The following GPRIN2 variants were observed in gnomAD, a reference collection of about 807,000 sequenced individuals.
The protein encoded by GPRIN2 is G protein regulated inducer of neurite outgrowth 2, also known as G protein-regulated inducer of neurite outgrowth 2.
Under a neutral mutation model 0.3 loss-of-function variants are expected in GPRIN2, and 1 was observed. The observed-to-expected ratio is 3.90, with a 90% CI of 1.39 to 18.51. The LOEUF is 18.51. Ranked by LOEUF, GPRIN2 falls within the 30% of genes most tolerant of loss-of-function variation. GPRIN2 has a pLI of 0.11. For synonymous variants in GPRIN2, 361 were observed against 258.6 expected (o/e 1.40, Z -3.80); for missense variants, 880 against 604.2 (o/e 1.46, Z -4.79).
At position 46,543,966 on chromosome 10, in the gene GPRIN2, T is replaced by C. The variant is rs1841939219; in HGVS notation, c.*5394A>G. Among the ~76,000 whole-genome samples, 1 of 152,278 alleles carries C rather than the reference T, an allele frequency of 6.6e-6. No individual in the cohort carries two copies. The highest frequency in any genetic ancestry group is 1.5e-5 in the Non-Finnish European group (1 of 68,052). On this transcript the variant is annotated 3_prime_UTR_variant, in exon 3 of 3. Coordinates refer to ENST00000374314, the MANE Select transcript of GPRIN2 (RefSeq NM_001385282.1). Reference sequence around the variant, plus strand: ...CACGTCACTTTGGTTTCGCTTGTTTTTTTTTTTAGTAAACATCAGCTTTCC... The same window carrying C: ...CACGTCACTTTGGTTTCGCTTGTTTCTTTTTTTAGTAAACATCAGCTTTCC...
At chr10:46,550,822 T>G (rs3127677) in intron 2 of GPRIN2, 80 bp from the exon 3 acceptor site, 1 of 1,427,492 alleles carries the variant, frequency 7.0e-7, no homozygotes, top group Non-Finnish European at 9.3e-7. Flanking sequence ...ACTCCCACAG[T>G]GCTAGGTTCA....
Position 46,550,422 on chromosome 10 carries a change from G to T in GPRIN2, c.315C>A (p.Asp105Glu). The change falls in exon 3 of 3, where the codon GAC (aspartate) becomes GAA (glutamate). Residue 105 changes from aspartate (D) to glutamate (E), a missense_variant. Asp to Glu is a conservative substitution (Grantham distance 45, BLOSUM62 2). Transcript: ENST00000374314. Reference sequence around the variant, plus strand: ...CACTAGGGGCCCGCAGGCGACACAGGTCACTGCCGCCCATGGTGGACACAT... The same window carrying T: ...CACTAGGGGCCCGCAGGCGACACAGTTCACTGCCGCCCATGGTGGACACAT... Reference protein sequence around the residue: ...VGNVSTMGGSDLCRLRAPSAA... With the variant: ...VGNVSTMGGSELCRLRAPSAA... The T allele has an allele frequency of 6.2e-7, 1 of 1,611,790 alleles. No individual in the cohort carries two copies. Among genetic ancestry groups the T allele is most frequent in the South Asian group, 1.1e-5 (1 of 90,986 alleles).
In GPRIN2 at chr10:46,551,400, G is replaced by A. The variant is rs1832193325; in HGVS notation, c.-6-658C>T. On this transcript the variant is annotated intron_variant, in intron 2 of 2. Transcript: ENST00000374314. ...CTTGCTGAGCTGGCATGTCTCTGGG[G>A]TTCCCTGACTCCTACCTCTAGCTCC... The A allele has an allele frequency of 3.7e-4, 360 of 984,918 alleles. No homozygotes were observed. The South Asian group carries it at 0.016, about 43-fold the overall frequency. 61.0% of individuals were successfully genotyped at this position (984,918 alleles called of 1,614,324 possible).
rs1429194684 is a variant in GPRIN2 at position 46,544,938 on chromosome 10, AGCCCT to A, written c.*4417_*4421del. ...AGTGATATGTCCTGGGCTTCATACC[AGCCCT>A]GCCCTGCCTGACAAGTTGGATGAAA... On this transcript the variant is annotated 3_prime_UTR_variant, in exon 3 of 3. Coordinates refer to ENST00000374314, the MANE Select transcript of GPRIN2 (RefSeq NM_001385282.1). Among the ~76,000 whole-genome samples, 5 of 152,308 alleles carry A rather than the reference AGCCCT, an allele frequency of 3.3e-5. No homozygotes were observed. The highest frequency in any genetic ancestry group is 2.0e-4 in the Admixed American group (3 of 15,292).
rs1234196741 is a variant in GPRIN2, at chr10:46,547,418, G to C, written c.*1942C>G. Among the ~76,000 whole-genome samples the C allele has an allele frequency of 2.0e-5, 3 of 152,422 alleles. No homozygotes were observed. Among genetic ancestry groups the C allele is most frequent in the South Asian group, 4.1e-4 (2 of 4,832 alleles). ...CATTTACATCAGGATCTTCACAATG[G>C]GGACCCCTGGTCACCTCCCAACCCA... On this transcript the variant is annotated 3_prime_UTR_variant, in exon 3 of 3. Transcript: ENST00000374314.
chr10:46,549,362 A>G lies in GPRIN2; in HGVS notation c.1375T>C (p.Ter459ArgextTer14). 1 of 1,471,252 alleles carries G rather than the reference A, an allele frequency of 6.8e-7. No homozygotes were observed. 91.1% of individuals were successfully genotyped at this position (1,471,252 alleles called of 1,614,324 possible). A position where few individuals can be genotyped will look rare whatever the true frequency, so the allele number is the denominator to read the frequency against. The change falls in exon 3 of 3, where the codon TGA (stop) becomes CGA (arginine). Residue 459 changes from the stop codon to arginine (R), a stop_lost. Transcript: ENST00000374314. ...CCAGCTCCAAGGGCCACAGCTCCTC[A>G]CTCGGGGGCCGCGCCGGAGCAGCCG... is the stretch of plus-strand genomic sequence containing the variant. ...CCGCSGAAPE[*>R] is the part of the protein sequence containing the mutation.
Position 46,549,406 on chromosome 10 carries a change from A to G in GPRIN2, c.1331T>C (p.Leu444Pro). 1 of 1,536,612 alleles carries G rather than the reference A, an allele frequency of 6.5e-7. No homozygotes were observed. Among genetic ancestry groups the G allele is most frequent in the South Asian group, 1.3e-5 (1 of 78,764 alleles). ...GCAGCCGCAGCAGCTGGGGCGCCGC[A>G]GGGACTGCATGACAGCCCGCAGTGG... ...RGPLRAVMQS[L>P]RRPSCCGCSG... The change falls in exon 3 of 3, where the codon CTG becomes CCG. Residue 444 changes from leucine (L) to proline (P), a missense_variant. By Grantham distance (98) the Leu-to-Pro change is moderately conservative (BLOSUM62 -3). Coordinates refer to ENST00000374314, the MANE Select transcript of GPRIN2 (RefSeq NM_001385282.1).
rs1308349653 is a variant in GPRIN2, at chr10:46,543,240, G to A, written c.*6120C>T. Among the ~76,000 whole-genome samples, 2 of 152,310 alleles carry A rather than the reference G, an allele frequency of 1.3e-5. No individual in the cohort carries two copies. Among genetic ancestry groups the A allele is most frequent in the Non-Finnish European group, 2.9e-5 (2 of 68,058 alleles). ...AGCTGGGGGCCTGGTGGGGGGAATGGCCAAGACCGCAAGAAGAGAGACTAC... is the reference window on the plus strand; with the variant it reads ...AGCTGGGGGCCTGGTGGGGGGAATGACCAAGACCGCAAGAAGAGAGACTAC... On this transcript the variant is annotated 3_prime_UTR_variant, in exon 3 of 3. Coordinates refer to ENST00000374314, the MANE Select transcript of GPRIN2 (RefSeq NM_001385282.1).
chr10:46,556,373 G>C (rs1209431832), intron 1 of GPRIN2, among the ~76,000 whole-genome samples, 125 bp downstream of exon 1: 1 of 152,302 alleles, frequency 6.6e-6, no homozygotes, highest in Non-Finnish European at 1.5e-5. Context: ...CGCTGGGCAG[G>C]GGCCAGGATG....
chr10:46,555,745 G>C (rs1326638005), intron 1 of GPRIN2, among the ~76,000 whole-genome samples: 1 of 152,310 alleles, frequency 6.6e-6, no homozygotes, highest in African/African-American at 2.4e-5. Flanking sequence ...CACAATCCCT[G>C]GGGGGCACCT....
In GPRIN2 at chr10:46,549,925, T is replaced by C. The variant is rs1832547691; in HGVS notation, c.812A>G (p.Gln271Arg). The change falls in exon 3 of 3, where the codon CAG becomes CGG. Residue 271 changes from glutamine to arginine, a missense_variant. Gln to Arg is a conservative substitution (Grantham distance 43). Coordinates refer to ENST00000374314, the MANE Select transcript of GPRIN2 (RefSeq NM_001385282.1). Reference sequence around the variant, plus strand: ...GTGGATCTTCACCCCATGCTGAGCCTGCAGCCCAGACTCGCTCACTGACGC... The same window carrying C: ...GTGGATCTTCACCCCATGCTGAGCCCGCAGCCCAGACTCGCTCACTGACGC... Reference protein sequence around the residue: ...LVASVSESGLQAQHGVKIHCR... With the variant: ...LVASVSESGLRAQHGVKIHCR... 6.2e-7 allele frequency: 1 copy of C among 1,614,288 alleles called. No homozygotes were observed. The highest frequency in any genetic ancestry group is 1.1e-5 in the South Asian group (1 of 91,090).
In GPRIN2 at chr10:46,543,728, TA is replaced by T. The variant is rs1402324326; in HGVS notation, c.*5631del. ...ATTTTCACATTCCCTCCCAATAAAG[TA>T]GGGCCATGAAAGATGAATTTTAGGA... On this transcript the variant is annotated 3_prime_UTR_variant, in exon 3 of 3. Transcript: ENST00000374314. Among the ~76,000 whole-genome samples, 18 of 152,410 alleles carry T rather than the reference TA, an allele frequency of 1.2e-4. No individual in the cohort carries two copies. The highest frequency in any genetic ancestry group is 1.5e-5 in the Non-Finnish European group (1 of 68,046).
chr10:46,554,543 A>T (rs1488894992), intron 2 of GPRIN2, 42 bp downstream of exon 2: 9 of 152,852 alleles, frequency 5.9e-5, no homozygotes, highest in African/African-American at 2.2e-4. Flanking sequence ...AAGAACAGGC[A>T]TACAGAAGTA....
chr10:46,546,127 C>A lies in GPRIN2; in HGVS notation c.*3233G>T, dbSNP rs1832915860. On this transcript the variant is annotated 3_prime_UTR_variant, in exon 3 of 3. Transcript: ENST00000374314. Reference sequence around the variant, plus strand: ...CAGGCCATCCCTGCTTTTCCACCACCACCAGCACTGTGACCTCAGACCAGC... The same window carrying A: ...CAGGCCATCCCTGCTTTTCCACCACAACCAGCACTGTGACCTCAGACCAGC... Among the ~76,000 whole-genome samples, 2 of 152,300 alleles carry A rather than the reference C, an allele frequency of 1.3e-5. No individual in the cohort carries two copies. Among genetic ancestry groups the A allele is most frequent in the African/African-American group, 2.4e-5 (1 of 41,486 alleles).
rs1306579305 is a variant in GPRIN2, at chr10:46,546,673, G to A, written c.*2687C>T. Among the ~76,000 whole-genome samples the A allele has an allele frequency of 6.6e-6, 1 of 152,306 alleles. No homozygotes were observed. The highest frequency in any genetic ancestry group is 1.5e-5 in the Non-Finnish European group (1 of 68,052). On this transcript the variant is annotated 3_prime_UTR_variant, in exon 3 of 3. Transcript: ENST00000374314. ...GGGCCCTAAACCACTGCAGGCATCAGGGCTGTTCCAGGAGAGGGCACAGCA... is the reference window on the plus strand; with the variant it reads ...GGGCCCTAAACCACTGCAGGCATCAAGGCTGTTCCAGGAGAGGGCACAGCA...
intron 2 of GPRIN2, chr10:46,551,522 G>A (rs1832184515): frequency 1.1e-3 from 1,071 of 982,458 alleles, no homozygotes; most frequent in Non-Finnish European, 1.2e-3. Context: ...CCCCTACTGC[G>A]TGCCCAGCTG....
chr10:46,548,946 G>T lies in GPRIN2; in HGVS notation c.*414C>A. 4.6e-6 allele frequency: 1 copy of T among 217,522 alleles called. No individual in the cohort carries two copies. 13.5% of individuals were successfully genotyped at this position (217,522 alleles called of 1,614,324 possible). Reference sequence around the variant, plus strand: ...AGACCTGGGCAGTCCCTGTCACTGGGGCCTCACATTTCATGTCGAGAATTC... The same window carrying T: ...AGACCTGGGCAGTCCCTGTCACTGGTGCCTCACATTTCATGTCGAGAATTC... On this transcript the variant is annotated 3_prime_UTR_variant, in exon 3 of 3. Transcript: ENST00000374314.
Position 46,549,768 on chromosome 10 carries a change from G to A in GPRIN2, c.969C>T (p.Ala323=), listed in dbSNP as rs1832594759. Residue 323 remains alanine (A), a synonymous_variant, in exon 3 of 3, where the codon GCC becomes GCT. Coordinates refer to ENST00000374314, the MANE Select transcript of GPRIN2 (RefSeq NM_001385282.1). ...CTGACAGCGGGGATGCCTCTGCAGG[G>A]GCCAAGTCATTGGCTGAGGTCATGG... The part of the protein sequence containing the change: ...VWTMTSANDL[A]PAEASPLSAQ... The A allele has an allele frequency of 1.2e-6, 2 of 1,614,208 alleles. No individual in the cohort carries two copies. The highest frequency in any genetic ancestry group is 1.7e-6 in the Non-Finnish European group (2 of 1,180,046).
upstream of GPRIN2, among the ~76,000 whole-genome samples, chr10:46,557,523 G>C (rs1455898914): frequency 1.3e-5 from 2 of 152,312 alleles, no homozygotes; most frequent in African/African-American, 4.8e-5. Flanking sequence ...AGCGGGCGAG[G>C]GCAGTGACCG....
Sources: allele counts gnomAD v4.1 joint callset (sites outside exome capture counted in the v4.1 genomes callset), GRCh38; gene constraint gnomAD v4.1.1; transcripts MANE v1.5; gene names NCBI Gene and HGNC (gene_info 2026-07-23, HGNC 2026-07-21).